Variants in CUX1 observed in about 807,000 individuals in gnomAD.
CUX1 encodes the protein protein CASP.
A neutral mutation model predicts 158.8 loss-of-function variants in CUX1; 31 were observed. The observed-to-expected ratio is 0.20, with a 90% CI of 0.15 to 0.26. The LOEUF is 0.26. Among genes scored for constraint, CUX1 ranks in the 10% least tolerant of loss-of-function variants. The probability of loss-of-function intolerance (pLI) is 1.00; values close to 1 mark genes in which losing one functional copy is unlikely to be tolerated. For synonymous variants in CUX1, 879 were observed against 862.1 expected, an observed-to-expected ratio of 1.02 and a Z score of -0.34; for missense variants, 1,589 against 2,014.6, an observed-to-expected ratio of 0.79 and a Z score of 4.04.
intron 8 of CUX1, among the ~76,000 whole-genome samples, chr7:102,120,919 T>G (rs201508): frequency 0.63 from 95,229 of 151,956 alleles, 31,659 homozygotes; most frequent in African/African-American, 0.81. Context: ...ACAAAAATTA[T>G]CTGGGCATGG....
Position 102,250,701 on chromosome 7 carries a change from T to C in CUX1, c.*1659T>C. 1.0e-6 allele frequency: 1 copy of C among 985,426 alleles called. No individual in the cohort carries two copies. Among genetic ancestry groups the C allele is most frequent in the Non-Finnish European group, 1.2e-6 (1 of 829,936 alleles). The allele number at this position is 985,426 out of a possible 1,614,324, so 61.0% of individuals were successfully genotyped here. A position where few individuals can be genotyped will look rare whatever the true frequency, so the allele number is the denominator to read the frequency against. On this transcript the variant is annotated 3_prime_UTR_variant, in exon 24 of 24. Coordinates refer to ENST00000292535, the MANE Select transcript of CUX1 (RefSeq NM_181552.4). ...ATGCACAGTTTTAGGGCAGTCTAAG[T>C]ACAAACTGAAAGTCTAACTTGTCTC...
chr7:102,012,894 G>C (rs1818192029), intron 2 of CUX1, among the ~76,000 whole-genome samples: 1 of 152,092 alleles, frequency 6.6e-6, no homozygotes, highest in African/African-American at 2.4e-5. Flanking sequence ...TCTCTTTAAG[G>C]AATATATCAA....
intron 5 of CUX1, among the ~76,000 whole-genome samples, chr7:102,101,805 G>A (rs1401964280): frequency 2.0e-5 from 3 of 152,030 alleles, no homozygotes; most frequent in South Asian, 2.1e-4. Context: ...CCAGCTCTTC[G>A]GGAGACTGAG....
At chr7:102,264,478 G>A (rs551957722) in intron 14 of CUX1, among the ~76,000 whole-genome samples, 35 of 152,334 alleles carry the variant, frequency 2.3e-4, no homozygotes, top group South Asian at 1.2e-3. Flanking sequence ...AGTGGGAGGC[G>A]ATGAGGTCAG....
intron 1 of CUX1, among the ~76,000 whole-genome samples, chr7:101,868,085 G>A (rs186810516): frequency 8.3e-4 from 127 of 152,300 alleles, no homozygotes; most frequent in Non-Finnish European, 4.7e-4. Flanking sequence ...GGCCTCAAGC[G>A]ATCCTCTTGC....
intron 4 of CUX1, among the ~76,000 whole-genome samples, chr7:102,079,225 G>A (rs1827096578): frequency 6.6e-6 from 1 of 152,164 alleles, no homozygotes; most frequent in Non-Finnish European, 1.5e-5. Flanking sequence ...ATCACCTGAG[G>A]TCAGGAGTTC....
chr7:102,195,749 G>A, intron 14 of CUX1, 146 bp downstream of exon 14: 1 of 691,716 alleles, frequency 1.4e-6, no homozygotes, highest in South Asian at 1.9e-5. Context: ...CGCGTGTTGG[G>A]TGCCCTCCTC....
At chr7:101,966,620 C>G (rs1811247577) in intron 2 of CUX1, among the ~76,000 whole-genome samples, 1 of 152,070 alleles carries the variant, frequency 6.6e-6, no homozygotes, top group African/African-American at 2.4e-5. Flanking sequence ...TGGGAATGTC[C>G]TAGGTGGCGG....
intron 11 of CUX1, among the ~76,000 whole-genome samples, chr7:102,184,005 C>G (rs1793389284): frequency 6.6e-6 from 1 of 152,112 alleles, no homozygotes; most frequent in Non-Finnish European, 1.5e-5. Context: ...TCAAGGAATC[C>G]TCCCACCTCA....
rs782259524 is a variant in CUX1 at position 102,189,794 on chromosome 7, A to G, written c.1018-19A>G. ...TGTTGTCAGGCATGGCCACTGATCA[A>G]ATTCTTCTCTGTTTTCAGCAACTGG... is the stretch of plus-strand genomic sequence containing the variant. On this transcript the variant is annotated intron_variant, in intron 11 of 23. Coordinates refer to ENST00000292535, the MANE Select transcript of CUX1 (RefSeq NM_181552.4). 1.9e-6 allele frequency: 3 copies of G among 1,614,108 alleles called. No individual in the cohort carries two copies. Among genetic ancestry groups the G allele is most frequent in the Non-Finnish European group, 2.5e-6 (3 of 1,179,926 alleles).
chr7:101,914,221 G>A (rs2129082133), intron 1 of CUX1, among the ~76,000 whole-genome samples: 1 of 152,298 alleles, frequency 6.6e-6, no homozygotes, highest in East Asian at 1.9e-4. Flanking sequence ...CTGAATGCCA[G>A]AAATACTAAG....
intron 2 of CUX1, among the ~76,000 whole-genome samples, chr7:102,021,298 G>T (rs1405763786): frequency 6.6e-6 from 1 of 151,984 alleles, no homozygotes; most frequent in Admixed American, 6.6e-5. Context: ...GAAAAACCTG[G>T]ATTATCAGAT....
intron 2 of CUX1, among the ~76,000 whole-genome samples, chr7:102,015,943 G>A (rs899638338): frequency 1.3e-5 from 2 of 152,052 alleles, no homozygotes; most frequent in African/African-American, 4.8e-5. Flanking sequence ...CTCCCAAGTA[G>A]CTGGGATTAC....
chr7:101,976,016 C>T (rs1812620448), intron 2 of CUX1, among the ~76,000 whole-genome samples: 1 of 152,144 alleles, frequency 6.6e-6, no homozygotes, highest in South Asian at 2.1e-4. Flanking sequence ...CCTGTAATCC[C>T]AGCTACTTGG....
At chr7:102,195,286 A>T (rs1794674766) in intron 13 of CUX1, among the ~76,000 whole-genome samples, 1 of 152,196 alleles carries the variant, frequency 6.6e-6, no homozygotes, top group Non-Finnish European at 1.5e-5. Flanking sequence ...TAAGAAGGAA[A>T]ATGACTTCAA....
At chr7:102,102,943 G>A (rs1282978519) in intron 5 of CUX1, among the ~76,000 whole-genome samples, 1 of 152,062 alleles carries the variant, frequency 6.6e-6, no homozygotes, top group Non-Finnish European at 1.5e-5. Context: ...ATCTGGAGGA[G>A]GGCGCAGGTG....
chr7:101,821,864 T>G (rs1270023438), intron 1 of CUX1, among the ~76,000 whole-genome samples: 2 of 139,430 alleles, frequency 1.4e-5, no homozygotes, highest in African/African-American at 5.4e-5. Flanking sequence ...TTTGTTTTTT[T>G]TTTTTTTTGA....
At chr7:102,099,672 C>A (rs1313755304) in intron 5 of CUX1, among the ~76,000 whole-genome samples, 1 of 152,152 alleles carries the variant, frequency 6.6e-6, no homozygotes, top group African/African-American at 2.4e-5. Context: ...AGTAGTCCTC[C>A]CGCCTCAGCC....
chr7:101,910,236 T>C (rs1803264705), intron 1 of CUX1, among the ~76,000 whole-genome samples: 1 of 152,128 alleles, frequency 6.6e-6, no homozygotes, highest in African/African-American at 2.4e-5. Context: ...AGCCTTGACC[T>C]CCTGGGCTCA....
Sources: allele counts gnomAD v4.1 joint callset (sites outside exome capture counted in the v4.1 genomes callset), GRCh38; gene constraint gnomAD v4.1.1; transcripts MANE v1.5; gene names NCBI Gene and HGNC (gene_info 2026-07-23, HGNC 2026-07-21).